TMEM26: variants seen among roughly 807,000 people sequenced by gnomAD.
TMEM26 encodes the protein transmembrane protein 26.
Under a neutral mutation model 28.8 loss-of-function variants are expected in TMEM26, and 38 were observed. The ratio of observed to expected loss-of-function variants is 1.32; its 90% confidence interval spans 1.02 to 1.73. TMEM26 has a LOEUF of 1.73. TMEM26 is among the 40% of genes most tolerant of loss of function. The probability of loss-of-function intolerance (pLI) is 0.00; values close to 1 mark genes in which losing one functional copy is unlikely to be tolerated. For synonymous variants in TMEM26, 227 were observed against 182.9 expected (o/e 1.24, Z -1.95); for missense variants, 518 against 447.1 (o/e 1.16, Z -1.43).
At chr10:61,451,658 G>A (rs1224826936) in intron 1 of TMEM26, among the ~76,000 whole-genome samples, 3 of 152,104 alleles carry the variant, frequency 2.0e-5, no homozygotes, top group African/African-American at 4.8e-5. Flanking sequence ...TCTTCATGGG[G>A]GTGGGGAGGT....
Position 61,452,835 on chromosome 10 carries a change from G to A in TMEM26, c.191+56C>T, listed in dbSNP as rs551977291. 23 of 1,560,786 alleles carry A rather than the reference G, an allele frequency of 1.5e-5. 1 individual carries two copies. In the South Asian group the frequency reaches 2.4e-4, roughly 16 times the overall value. ...TGCGGGAAGATGGCCTGCGAGTGCG[G>A]TGGGGGACAATACCCTAGGGCCCCG... On this transcript the variant is annotated intron_variant, in intron 1 of 5. Transcript: ENST00000399298.
chr10:61,439,678 G>A (rs1840060947), intron 1 of TMEM26, among the ~76,000 whole-genome samples: 2 of 152,144 alleles, frequency 1.3e-5, no homozygotes, highest in Admixed American at 1.3e-4. Flanking sequence ...GAAACTGAAT[G>A]TCCTCATCTG....
At position 61,409,349 on chromosome 10, in the gene TMEM26, T is replaced by A. The variant is rs1839535025; in HGVS notation, c.*973A>T. 1 of 152,192 alleles carries A rather than the reference T, an allele frequency of 6.6e-6. No homozygotes were observed. The highest frequency in any genetic ancestry group is 1.5e-5 in the Non-Finnish European group (1 of 68,052). 9.4% of individuals were successfully genotyped at this position (152,192 alleles called of 1,614,324 possible). On this transcript the variant is annotated 3_prime_UTR_variant, in exon 6 of 6. Transcript: ENST00000399298. ...GCTGATGCAACCCTCCATCACCATG[T>A]TCCCTGAGAGCAAAGGCCACTTCCA...
At position 61,446,766 on chromosome 10, in the gene TMEM26, C is replaced by T. The variant is rs944169172; in HGVS notation, c.191+6125G>A. The stretch of plus-strand genomic sequence containing the variant: ...TCCAGGAGGCGGAGGTTACAGTGAG[C>T]CGAGATCGCGCCACGGCACTCCAGC... On this transcript the variant is annotated intron_variant, in intron 1 of 5. Coordinates refer to ENST00000399298, the MANE Select transcript of TMEM26 (RefSeq NM_178505.8). Among the ~76,000 whole-genome samples the T allele has an allele frequency of 5.7e-5, 7 of 122,824 alleles. No individual in the cohort carries two copies. The East Asian group carries it at 1.9e-3, about 33-fold the overall frequency. 80.6% of individuals were successfully genotyped at this position (122,824 alleles called of 152,430 possible). A position where few individuals can be genotyped will look rare whatever the true frequency, so the allele number is the denominator to read the frequency against.
chr10:61,450,173 G>C (rs1448951898), intron 1 of TMEM26, among the ~76,000 whole-genome samples: 1 of 151,766 alleles, frequency 6.6e-6, no homozygotes, highest in African/African-American at 2.4e-5. Flanking sequence ...AAGACTATAA[G>C]AGCAATGGAA....
In TMEM26 at chr10:61,429,104, C is replaced by G; in HGVS notation, c.427G>C (p.Val143Leu). 6.2e-7 allele frequency: 1 copy of G among 1,613,264 alleles called. No homozygotes were observed. The highest frequency in any genetic ancestry group is 8.5e-7 in the Non-Finnish European group (1 of 1,179,450). Residue 143 changes from valine to leucine, a missense_variant, in exon 4 of 6, where the codon GTT becomes CTT. Val to Leu is a conservative substitution (Grantham distance 32, BLOSUM62 1). Coordinates refer to ENST00000399298, the MANE Select transcript of TMEM26 (RefSeq NM_178505.8). ...GTCTGATGGAGTCCCAATGTCCAAA[C>G]TTTCTCACATACTGTAGATAAGTTA... ...VNNLSTVCEK[V>L]WTLGLHQTFL...
intron 2 of TMEM26, among the ~76,000 whole-genome samples, chr10:61,432,122 T>C (rs142253328): frequency 6.6e-6 from 1 of 152,176 alleles, no homozygotes; most frequent in East Asian, 1.9e-4. Flanking sequence ...TATGTGTGTG[T>C]ATATAGTATT....
intron 1 of TMEM26, among the ~76,000 whole-genome samples, chr10:61,451,998 T>C (rs1049027461): frequency 1.3e-5 from 2 of 151,728 alleles, no homozygotes; most frequent in Non-Finnish European, 2.9e-5. Context: ...TATATATATA[T>C]ATATATATGA....
chr10:61,417,251 A>C (rs1839668004), intron 4 of TMEM26, among the ~76,000 whole-genome samples: 1 of 152,032 alleles, frequency 6.6e-6, no homozygotes, highest in Admixed American at 6.6e-5. Context: ...GAAACAAAAA[A>C]ATCTTGGGAA....
chr10:61,445,938 T>A (rs1840173224), intron 1 of TMEM26, among the ~76,000 whole-genome samples: 1 of 152,186 alleles, frequency 6.6e-6, no homozygotes, highest in Non-Finnish European at 1.5e-5. Flanking sequence ...AGGAATATAT[T>A]TATACTGACT....
rs1839529518 is a variant in TMEM26 at position 61,408,952 on chromosome 10, T to TGG, written c.*1369_*1370insCC. 6.6e-6 allele frequency: 1 copy of TGG among 152,174 alleles called. No homozygotes were observed. The highest frequency in any genetic ancestry group is 2.4e-5 in the African/African-American group (1 of 41,452). The allele number at this position is 152,174 out of a possible 1,614,324, so 9.4% of individuals were successfully genotyped here. A position where few individuals can be genotyped will look rare whatever the true frequency, so the allele number is the denominator to read the frequency against. ...TACAGATAAAATTGTCCCAACTGGT[T>TGG]GTCAATAAGTCATACCAAATTAAGG... On this transcript the variant is annotated 3_prime_UTR_variant, in exon 6 of 6. Coordinates refer to ENST00000399298, the MANE Select transcript of TMEM26 (RefSeq NM_178505.8).
At chr10:61,443,493 G>A (rs1840130127) in intron 1 of TMEM26, among the ~76,000 whole-genome samples, 1 of 151,656 alleles carries the variant, frequency 6.6e-6, no homozygotes, top group Non-Finnish European at 1.5e-5. Flanking sequence ...AAGATCGGTG[G>A]ATAGGTTTGT....
chr10:61,410,996 C>T (rs1414279337), intron 5 of TMEM26, among the ~76,000 whole-genome samples: 1 of 152,142 alleles, frequency 6.6e-6, no homozygotes, highest in Admixed American at 6.5e-5. Flanking sequence ...GGGCAAAGCA[C>T]AATTAAATAG....
chr10:61,406,673 A>C lies in TMEM26; in HGVS notation c.*3649T>G, dbSNP rs1381861292. On this transcript the variant is annotated 3_prime_UTR_variant, in exon 6 of 6. Transcript: ENST00000399298. ...TGTGCACACACTATTTAATGCATAT[A>C]ATAAAATACAAAGGCCACTCATAGC... The C allele has an allele frequency of 2.0e-5, 3 of 152,132 alleles. No individual in the cohort carries two copies. Among genetic ancestry groups the C allele is most frequent in the Admixed American group, 1.3e-4 (2 of 15,250 alleles). The allele number at this position is 152,132 out of a possible 1,614,324, so 9.4% of individuals were successfully genotyped here. A position where few individuals can be genotyped will look rare whatever the true frequency, so the allele number is the denominator to read the frequency against.
chr10:61,412,798 G>A (rs1839588645), intron 5 of TMEM26: 1 of 296,400 alleles, frequency 3.4e-6, no homozygotes, highest in Non-Finnish European at 6.2e-6. Context: ...AATTTAAAGA[G>A]CGATGTGTGG....
intron 5 of TMEM26, 130 bp from the exon 6 acceptor site, chr10:61,410,876 A>C: frequency 1.0e-6 from 1 of 965,648 alleles, no homozygotes. Context: ...TACAGGATGG[A>C]AATCAAATGG....
chr10:61,451,412 A>G (rs1027738800), intron 1 of TMEM26, among the ~76,000 whole-genome samples: 2 of 152,172 alleles, frequency 1.3e-5, no homozygotes, highest in Non-Finnish European at 2.9e-5. Context: ...TTTCCAATGA[A>G]CAGTTTTCAG....
chr10:61,432,850 G>A (rs1055814019), intron 2 of TMEM26, among the ~76,000 whole-genome samples: 2 of 152,086 alleles, frequency 1.3e-5, no homozygotes, highest in African/African-American at 4.8e-5. Context: ...TTCCATATCT[G>A]TAGGAGCAAA....
intron 1 of TMEM26, 85 bp downstream of exon 1, chr10:61,452,806 G>T: frequency 6.8e-7 from 1 of 1,464,962 alleles, no homozygotes; most frequent in Non-Finnish European, 9.4e-7. Context: ...TAGAATCTGC[G>T]GGTTGCGGGA....
Sources: gnomAD v4.1 joint callset for allele counts (sites outside exome capture counted in the v4.1 genomes callset) on GRCh38, gnomAD v4.1.1 for gene constraint, MANE v1.5 for transcripts, NCBI Gene and HGNC (gene_info 2026-07-23, HGNC 2026-07-21) for gene names.